The following SCN7A variants were observed in gnomAD, a reference collection of about 807,000 sequenced individuals.
SCN7A encodes the protein sodium voltage-gated channel alpha subunit 7.
SCN7A carries 138 observed loss-of-function variants against 155.2 expected under a neutral mutation model. That is an observed-to-expected ratio of 0.89 (90% CI 0.77 to 1.02). The LOEUF (loss-of-function observed/expected upper bound fraction) is 1.02. SCN7A is among the 50% of genes least tolerant of loss of function. The pLI is 0.00. For synonymous variants in SCN7A, 693 were observed against 649.0 expected, an observed-to-expected ratio of 1.07 and a Z score of -1.03; for missense variants, 2,058 against 1,986.6, an observed-to-expected ratio of 1.04 and a Z score of -0.68.
chr2:166,438,573 T>C (rs988699889), intron 15 of SCN7A, among the ~76,000 whole-genome samples: 1 of 152,188 alleles, frequency 6.6e-6, no homozygotes, highest in East Asian at 1.9e-4. Context: ...AGGTTTCTGC[T>C]TAAGGCTTAA....
At chr2:166,451,188 G>A (rs1575038336) in intron 11 of SCN7A, among the ~76,000 whole-genome samples, 1 of 152,120 alleles carries the variant, frequency 6.6e-6, no homozygotes, top group Admixed American at 6.5e-5. Flanking sequence ...TAATATTGTC[G>A]TTGATAAAGT....
At chr2:166,416,388 C>G (rs2105379699) in intron 21 of SCN7A, among the ~76,000 whole-genome samples, 1 of 152,250 alleles carries the variant, frequency 6.6e-6, no homozygotes, top group Non-Finnish European at 1.5e-5. Flanking sequence ...TAAAAACTTG[C>G]TGGCTTTAAG....
Position 166,465,956 on chromosome 2 carries a change from G to A in SCN7A, c.696C>T (p.His232=), listed in dbSNP as rs748217471. Residue 232 remains histidine (H), a synonymous_variant, in exon 8 of 26, where the codon CAC becomes CAT. Coordinates refer to ENST00000643258, the MANE Select transcript of SCN7A (RefSeq NM_002976.4). The stretch of plus-strand genomic sequence containing the variant: ...TGACACCAATAAGCTGCTTCAAGCA[G>A]TGGATCAGGACCCCTACAAGGGATT... The part of the protein sequence containing the change: ...GLKSLVGVLI[H]CLKQLIGVII... The A allele has an allele frequency of 6.2e-7, 1 of 1,612,874 alleles. No individual in the cohort carries two copies. Among genetic ancestry groups the A allele is most frequent in the East Asian group, 2.2e-5 (1 of 44,848 alleles).
At chr2:166,450,591 G>T (rs189018147) in intron 11 of SCN7A, among the ~76,000 whole-genome samples, 1 of 152,252 alleles carries the variant, frequency 6.6e-6, no homozygotes, top group Non-Finnish European at 1.5e-5. Flanking sequence ...CACGAGGTCA[G>T]GAGATCATCC....
Position 166,441,469 on chromosome 2 carries a change from T to TC in SCN7A, c.2083dup (p.Asp695GlyfsTer38). 1 of 1,613,958 alleles carries TC rather than the reference T, an allele frequency of 6.2e-7. No individual in the cohort carries two copies. Among genetic ancestry groups the TC allele is most frequent in the Non-Finnish European group, 8.5e-7 (1 of 1,179,936 alleles). ...GGATTGGCCTGCAACCTCCATACAG[T>TC]CCCACAAGGTCTCTACCCACTCTCC... On this transcript the variant is annotated frameshift_variant, in exon 15 of 26. Coordinates refer to ENST00000643258, the MANE Select transcript of SCN7A (RefSeq NM_002976.4). LOFTEE classifies it high-confidence loss of function.
At chr2:166,478,937 G>T (rs1449698560) in intron 2 of SCN7A, among the ~76,000 whole-genome samples, 1 of 151,760 alleles carries the variant, frequency 6.6e-6, no homozygotes. Context: ...TTACTAATTT[G>T]TTCCAGTCCA....
intron 7 of SCN7A, among the ~76,000 whole-genome samples, chr2:166,468,854 T>C (rs1478126380): frequency 6.6e-6 from 1 of 151,756 alleles, no homozygotes; most frequent in Non-Finnish European, 1.5e-5. Context: ...CTCCACTGTC[T>C]ATTTAAGTTT....
intron 15 of SCN7A, among the ~76,000 whole-genome samples, chr2:166,433,936 C>T (rs1283572045): frequency 6.6e-6 from 1 of 152,086 alleles, no homozygotes; most frequent in Non-Finnish European, 1.5e-5. Flanking sequence ...TTTACTATCA[C>T]TTAGAAGTAT....
At chr2:166,465,627 T>C in intron 8 of SCN7A, 96 bp from the exon 9 acceptor site, 1 of 1,229,988 alleles carries the variant, frequency 8.1e-7, no homozygotes. Context: ...AAAATACCTT[T>C]CTGCAATTGT....
intron 10 of SCN7A, 141 bp downstream of exon 10, chr2:166,462,247 AG>A: frequency 3.5e-6 from 3 of 852,364 alleles, no homozygotes; most frequent in Non-Finnish European, 5.2e-6. Context: ...TTTGACATTC[AG>A]TAATTCTAGT....
intron 6 of SCN7A, among the ~76,000 whole-genome samples, chr2:166,470,918 T>C (rs998039934): frequency 6.6e-6 from 1 of 151,886 alleles, no homozygotes. Context: ...ATCTATATTA[T>C]GAGAGTTTAC....
At chr2:166,447,505 T>C in intron 12 of SCN7A, 107 bp downstream of exon 12, 1 of 654,006 alleles carries the variant, frequency 1.5e-6, no homozygotes, top group Non-Finnish European at 2.6e-6. Context: ...TTTCTTAAAT[T>C]TTTGTTATTA....
Position 166,413,131 on chromosome 2 carries a change from T to C in SCN7A, c.3415-10A>G. 2 of 1,470,994 alleles carry C rather than the reference T, an allele frequency of 1.4e-6. No homozygotes were observed. Among genetic ancestry groups the C allele is most frequent in the Non-Finnish European group, 1.8e-6 (2 of 1,088,238 alleles). The allele number at this position is 1,470,994 out of a possible 1,614,324, so 91.1% of individuals were successfully genotyped here. ...ATCCATTAAATGTTGCCTGTAAAAA[T>C]AAAATGCATTTAAAATTTATGCTTC... On this transcript the variant is annotated splice_polypyrimidine_tract_variant and intron_variant, in intron 21 of 25. Coordinates refer to ENST00000643258, the MANE Select transcript of SCN7A (RefSeq NM_002976.4).
chr2:166,474,324 T>C lies in SCN7A; in HGVS notation c.255A>G (p.Lys85=). Residue 85 remains lysine, a synonymous_variant, in exon 4 of 26, where the codon AAA becomes AAG. Transcript: ENST00000643258. Reference sequence around the variant, plus strand: ...CATTGAATCTGAAGATTGTTCTATTTTTATTTAATACTATGAAAGTCTGTA... The same window carrying C: ...CATTGAATCTGAAGATTGTTCTATTCTTATTTAATACTATGAAAGTCTGTA... ...KKKNTFIVLN[K]NRTIFRFNAA... 6.7e-7 allele frequency: 1 copy of C among 1,501,894 alleles called. No homozygotes were observed. The highest frequency in any genetic ancestry group is 9.0e-7 in the Non-Finnish European group (1 of 1,110,754). 93.0% of individuals were successfully genotyped at this position (1,501,894 alleles called of 1,614,324 possible).
At chr2:166,461,905 C>G (rs996650814) in intron 10 of SCN7A, 7 of 153,160 alleles carry the variant, frequency 4.6e-5, no homozygotes, top group Admixed American at 1.3e-4. Context: ...CTGGCTAATA[C>G]GGTGAAACCC....
At chr2:166,492,186 A>G (rs576818093) in intron 1 of SCN7A, among the ~76,000 whole-genome samples, 1 of 152,040 alleles carries the variant, frequency 6.6e-6, no homozygotes, top group Non-Finnish European at 1.5e-5. Context: ...GTAGAGACTG[A>G]TATGCAGCAG....
At position 166,465,807 on chromosome 2, in the gene SCN7A, C is replaced by T. The variant is rs752356205; in HGVS notation, c.845G>A (p.Arg282Lys). 1.9e-6 allele frequency: 3 copies of T among 1,613,682 alleles called. No homozygotes were observed. In the East Asian group the frequency reaches 6.7e-5, roughly 36 times the overall value. ...QENENETLHN[R>K]TGNPYYIRET... ...TCGAATATAATATGGGTTTCCAGTT[C>T]TGTTGTGCAGGGTTTCATTTTCATT... The change falls in exon 8 of 26, where the codon AGA becomes AAA. Residue 282 changes from arginine to lysine, a missense_variant. Transcript: ENST00000643258.
chr2:166,461,294 C>T (rs1373152745), intron 10 of SCN7A, among the ~76,000 whole-genome samples: 2 of 152,032 alleles, frequency 1.3e-5, no homozygotes, highest in African/African-American at 4.8e-5. Flanking sequence ...TGTTCTCCTT[C>T]AACTATGAAT....
chr2:166,414,522 G>A (rs949613119), intron 21 of SCN7A: 12 of 129,680 alleles, frequency 9.3e-5, no homozygotes, highest in South Asian at 7.0e-4. Flanking sequence ...CTGATTTTTC[G>A]GTCACCCGGA....
Sources: allele counts gnomAD v4.1 joint callset (sites outside exome capture counted in the v4.1 genomes callset), GRCh38; gene constraint gnomAD v4.1.1; transcripts MANE v1.5; gene names NCBI Gene and HGNC (gene_info 2026-07-23, HGNC 2026-07-21).